Variants in RECK observed in about 807,000 individuals in gnomAD.
RECK encodes reversion-inducing cysteine-rich protein with Kazal motifs.
Under a neutral mutation model 115.1 loss-of-function variants are expected in RECK, and 69 were observed. The ratio of observed to expected loss-of-function variants is 0.60; its 90% CI spans 0.49 to 0.73. The LOEUF (loss-of-function observed/expected upper bound fraction) is 0.73, where lower values mean the gene tolerates loss of function less well. RECK is among the 30% of genes least tolerant of loss of function. The pLI, the probability that RECK is intolerant of heterozygous loss-of-function variation, is 0.00. For synonymous variants in RECK, 414 were observed against 419.7 expected, an observed-to-expected ratio of 0.99 and a Z score of 0.17; for missense variants, 1,047 against 1,203.7, an observed-to-expected ratio of 0.87 and a Z score of 1.93.
Position 36,056,044 on chromosome 9 carries a change from T to C in RECK, c.160-2783T>C, listed in dbSNP as rs559165202. On this transcript the variant is annotated intron_variant, in intron 2 of 20. Transcript: ENST00000377966. ...TTTTTATAATAGAAAATTTTAAGTA[T>C]ATACAAAGGTAGAGAGAAAAGTGTA... Among the ~76,000 whole-genome samples the C allele has an allele frequency of 4.5e-4, 68 of 152,230 alleles. 2 individuals are homozygous for C. In the South Asian group the frequency reaches 0.013, roughly 30 times the overall value.
chr9:36,067,905 G>A (rs1476495182), intron 6 of RECK, among the ~76,000 whole-genome samples: 1 of 151,246 alleles, frequency 6.6e-6, no homozygotes, highest in Non-Finnish European at 1.5e-5. Flanking sequence ...TTTGGGTAAA[G>A]ACCTAAAGAC....
At chr9:36,065,397 A>G (rs1168704371) in intron 5 of RECK, among the ~76,000 whole-genome samples, 180 bp from the exon 6 acceptor site, 1 of 152,218 alleles carries the variant, frequency 6.6e-6, no homozygotes, top group Non-Finnish European at 1.5e-5. Context: ...TTTGTTTTAA[A>G]GAAATTGCAT....
At chr9:36,072,976 T>A (rs1822291684) in intron 6 of RECK, among the ~76,000 whole-genome samples, 2 of 152,042 alleles carry the variant, frequency 1.3e-5, no homozygotes, top group Admixed American at 6.6e-5. Flanking sequence ...GTTTTCCCCT[T>A]AAGCAATCTC....
chr9:36,053,655 C>T (rs1821397250), intron 2 of RECK, among the ~76,000 whole-genome samples: 1 of 152,126 alleles, frequency 6.6e-6, no homozygotes, highest in South Asian at 2.1e-4. Flanking sequence ...GGAAACATGA[C>T]TTACCTGACT....
At chr9:36,104,320 ATATATATT>A (rs1823703056) in intron 12 of RECK, among the ~76,000 whole-genome samples, 2 of 55,614 alleles carry the variant, frequency 3.6e-5, no homozygotes, top group African/African-American at 2.2e-4. Flanking sequence ...ATATATATAT[ATATATATT>A]TTTTTTTTTT....
chr9:36,056,846 T>C (rs1821549083), intron 2 of RECK: 1 of 313,916 alleles, frequency 3.2e-6, no homozygotes, highest in East Asian at 1.7e-4. Context: ...ATTGTCTAAA[T>C]GCATTAATTC....
chr9:36,112,409 C>T lies in RECK; in HGVS notation c.1993C>T (p.Gln665Ter). ...IARCVGLQDHQFEFGSCMSKD... is the reference protein window; with the variant it reads ...IARCVGLQDH The stretch of plus-strand genomic sequence containing the variant: ...TCGCTGTGTGGGCCTCCAAGACCAT[C>T]AGTTTGAGTTTGGATCATGCATGTC... The change falls in exon 16 of 21, where the codon CAG (glutamine) becomes TAG (stop). Residue 665 changes from glutamine (Q) to a stop codon, truncating the protein, a stop_gained. Coordinates refer to ENST00000377966, the MANE Select transcript of RECK (RefSeq NM_021111.3). LOFTEE classifies it high-confidence loss of function. The T allele has an allele frequency of 6.2e-7, 1 of 1,614,116 alleles. No homozygotes were observed. The highest frequency in any genetic ancestry group is 8.5e-7 in the Non-Finnish European group (1 of 1,180,038).
At position 36,119,648 on chromosome 9, in the gene RECK, C is replaced by T. The variant is rs553010680; in HGVS notation, c.2464+681C>T. On this transcript the variant is annotated intron_variant, in intron 18 of 20. Coordinates refer to ENST00000377966, the MANE Select transcript of RECK (RefSeq NM_021111.3). ...TATTTAGCTTTCACTATGTGCCAGACGCTCCTCTAAGCACTGGGGACACAG... is the reference window on the plus strand; with the variant it reads ...TATTTAGCTTTCACTATGTGCCAGATGCTCCTCTAAGCACTGGGGACACAG... Among the ~76,000 whole-genome samples, 24 of 152,280 alleles carry T rather than the reference C, an allele frequency of 1.6e-4. 1 individual carries two copies. The South Asian group carries it at 2.7e-3, about 17-fold the overall frequency.
chr9:36,041,609 C>G (rs1229400856), intron 1 of RECK, among the ~76,000 whole-genome samples: 1 of 152,134 alleles, frequency 6.6e-6, no homozygotes, highest in Non-Finnish European at 1.5e-5. Context: ...GGAAATTCAG[C>G]ACATCTCTAC....
rs768337099 is a variant in RECK at position 36,110,016 on chromosome 9, G to T, written c.1825G>T (p.Val609Leu). ...NVCSCFAGNL[V>L]CSTRLCLSEH... ...CTGTTCTTGTTTTGCTGGCAATTTG[G>T]TGTGCTCTACCCGCCTTTGCCTCAG... The change falls in exon 15 of 21, where the codon GTG becomes TTG. Residue 609 changes from valine to leucine, a missense_variant. Transcript: ENST00000377966. The T allele has an allele frequency of 6.2e-7, 1 of 1,613,848 alleles. No individual in the cohort carries two copies. Among genetic ancestry groups the T allele is most frequent in the Admixed American group, 1.7e-5 (1 of 60,010 alleles).
At chr9:36,053,045 C>G (rs1470692499) in intron 2 of RECK, among the ~76,000 whole-genome samples, 1 of 152,130 alleles carries the variant, frequency 6.6e-6, no homozygotes, top group Non-Finnish European at 1.5e-5. Context: ...ATAACAAATG[C>G]TAACATAGTC....
At chr9:36,045,651 T>C (rs931112628) in intron 1 of RECK, among the ~76,000 whole-genome samples, 5 of 151,954 alleles carry the variant, frequency 3.3e-5, no homozygotes, top group African/African-American at 1.2e-4. Flanking sequence ...AACTGAATTA[T>C]AGCTTTTGTG....
At chr9:36,067,966 A>G (rs988693181) in intron 6 of RECK, among the ~76,000 whole-genome samples, 3 of 152,202 alleles carry the variant, frequency 2.0e-5, no homozygotes, top group Admixed American at 1.3e-4. Context: ...TGGCTTATGC[A>G]GGAGGAAAAG....
intron 1 of RECK, among the ~76,000 whole-genome samples, chr9:36,050,429 A>G (rs1821240914): frequency 6.6e-6 from 1 of 152,200 alleles, no homozygotes; most frequent in African/African-American, 2.4e-5. Context: ...TTCATAATAT[A>G]TCCAGATTCG....
At position 36,100,825 on chromosome 9, in the gene RECK, C is replaced by T. The variant is rs549156617; in HGVS notation, c.1298+282C>T. The stretch of plus-strand genomic sequence containing the variant: ...ATCCTTACTACAGATTCCTATAGAC[C>T]TTTATTTGTACTTCTCTTATGGAAC... On this transcript the variant is annotated intron_variant, in intron 11 of 20. Transcript: ENST00000377966. Among the ~76,000 whole-genome samples the T allele has an allele frequency of 1.8e-4, 27 of 152,250 alleles. No homozygotes were observed. In the South Asian group the frequency reaches 5.2e-3, roughly 29 times the overall value.
chr9:36,102,113 C>A lies in RECK; in HGVS notation c.1318C>A (p.Leu440Ile). ...TTCAAGATCAGATTGTGTGGAGATT[C>A]TTAAAAAATGTGGAGACCAGAACAA... ...IICKSDCVEILKKCGDQNKFP... is the reference protein window; with the variant it reads ...IICKSDCVEIIKKCGDQNKFP... The change falls in exon 12 of 21, where the codon CTT becomes ATT. Residue 440 changes from leucine to isoleucine, a missense_variant. Leu to Ile is a conservative substitution (Grantham distance 5). Transcript: ENST00000377966. 6.2e-7 allele frequency: 1 copy of A among 1,612,702 alleles called. No homozygotes were observed.
intron 2 of RECK, among the ~76,000 whole-genome samples, chr9:36,057,346 G>A (rs1302894696): frequency 3.3e-5 from 5 of 151,666 alleles, no homozygotes; most frequent in Admixed American, 6.6e-5. Flanking sequence ...TCCTTCTCTC[G>A]CTCTCTAACC....
intron 6 of RECK, among the ~76,000 whole-genome samples, chr9:36,069,823 G>A (rs2132600359): frequency 6.6e-6 from 1 of 152,182 alleles, no homozygotes; most frequent in African/African-American, 2.4e-5. Context: ...ACATATTATA[G>A]ACAGACATCA....
intron 8 of RECK, among the ~76,000 whole-genome samples, chr9:36,086,935 G>A (rs1822988027): frequency 1.3e-5 from 2 of 152,156 alleles, no homozygotes. Context: ...CTTCTTAGGT[G>A]TAGGATGGCC....
Sources: allele counts gnomAD v4.1 joint callset (sites outside exome capture counted in the v4.1 genomes callset), GRCh38; gene constraint gnomAD v4.1.1; transcripts MANE v1.5; gene names NCBI Gene and HGNC (gene_info 2026-07-23, HGNC 2026-07-21).